Variants in RBFOX1 observed in about 807,000 individuals in gnomAD.
The protein encoded by RBFOX1 is RNA binding fox-1 homolog 1.
Under a neutral mutation model 57.7 loss-of-function variants are expected in RBFOX1, and 8 were observed. That is an observed-to-expected ratio of 0.14 (90% CI 0.08 to 0.25). RBFOX1 has a LOEUF of 0.25. RBFOX1 is among the 10% of genes least tolerant of loss of function. The probability of loss-of-function intolerance (pLI) is 1.00; values close to 1 mark genes in which losing one functional copy is unlikely to be tolerated. For missense variants in RBFOX1, 611 were observed against 548.5 expected, an observed-to-expected ratio of 1.11 and a Z score of -1.14; for synonymous variants, 326 against 222.4, an observed-to-expected ratio of 1.47 and a Z score of -4.15.
intron 4 of RBFOX1, among the ~76,000 whole-genome samples, chr16:7,402,427 A>G (rs1288538780): frequency 6.6e-6 from 1 of 152,220 alleles, no homozygotes; most frequent in Non-Finnish European, 1.5e-5. Flanking sequence ...GTGGTCTTAA[A>G]TAAAATTTCA....
intron 3 of RBFOX1, among the ~76,000 whole-genome samples, chr16:7,035,101 G>A (rs968031252): frequency 6.6e-6 from 1 of 151,654 alleles, no homozygotes; most frequent in African/African-American, 2.4e-5. Context: ...ACCCGTCTTG[G>A]CCTCCCAAAG....
At chr16:6,800,462 A>G (rs758341051) in intron 3 of RBFOX1, among the ~76,000 whole-genome samples, 1 of 151,904 alleles carries the variant, frequency 6.6e-6, no homozygotes, top group Non-Finnish European at 1.5e-5. Flanking sequence ...ATTTTGGTTC[A>G]ATAAGTCTCG....
chr16:5,528,545 CTTTTTTTTTT>C (rs755227280), intron 2 of RBFOX1, among the ~76,000 whole-genome samples: 1 of 115,246 alleles, frequency 8.7e-6, no homozygotes, highest in Admixed American at 9.3e-5. Flanking sequence ...GACAGCTCTT[CTTTTTTTTTT>C]TTTTTTTTTT....
chr16:7,595,544 T>C lies in RBFOX1; in HGVS notation c.469-5T>C, dbSNP rs1157773370. 2 of 1,543,622 alleles carry C rather than the reference T, an allele frequency of 1.3e-6. No individual in the cohort carries two copies. The highest frequency in any genetic ancestry group is 2.4e-5 in the East Asian group (1 of 42,138). ...GTTGTTTTCCCTTCTCCCTCCTGCATGCAGGGATTTGGTTTCGTAACTTTC... is the reference window on the plus strand; with the variant it reads ...GTTGTTTTCCCTTCTCCCTCCTGCACGCAGGGATTTGGTTTCGTAACTTTC... On this transcript the variant is annotated splice_region_variant and splice_polypyrimidine_tract_variant and intron_variant, in intron 7 of 15. Coordinates refer to ENST00000550418, the MANE Select transcript of RBFOX1 (RefSeq NM_018723.4).
intron 3 of RBFOX1, among the ~76,000 whole-genome samples, chr16:6,688,223 G>A (rs1485418964): frequency 2.6e-5 from 4 of 152,010 alleles, no homozygotes; most frequent in Non-Finnish European, 4.4e-5. Flanking sequence ...GGTGGCTAGA[G>A]CAGGAGGAAG....
At chr16:5,490,761 C>T (rs961537317) in intron 2 of RBFOX1, among the ~76,000 whole-genome samples, 1 of 152,152 alleles carries the variant, frequency 6.6e-6, no homozygotes, top group Non-Finnish European at 1.5e-5. Flanking sequence ...AGCTGCCGCG[C>T]CCCCTGCAGG....
At chr16:6,948,826 G>C (rs2080109683) in intron 3 of RBFOX1, among the ~76,000 whole-genome samples, 1 of 152,146 alleles carries the variant, frequency 6.6e-6, no homozygotes, top group Non-Finnish European at 1.5e-5. Context: ...CTAGAGAGAT[G>C]ATTTGATTTG....
chr16:5,757,087 C>T (rs181992953), intron 3 of RBFOX1, among the ~76,000 whole-genome samples: 1 of 152,238 alleles, frequency 6.6e-6, no homozygotes, highest in African/African-American at 2.4e-5. Flanking sequence ...TCATTGAGAC[C>T]TAAAATTAAG....
intron 3 of RBFOX1, among the ~76,000 whole-genome samples, chr16:5,625,279 T>A (rs1347845838): frequency 6.6e-6 from 1 of 151,924 alleles, no homozygotes; most frequent in African/African-American, 2.4e-5. Context: ...GTAGGAAGCA[T>A]TTGTTGAATG....
downstream of RBFOX1, among the ~76,000 whole-genome samples, chr16:5,602,755 T>C (rs978171177): frequency 2.0e-5 from 3 of 152,114 alleles, no homozygotes; most frequent in African/African-American, 7.2e-5. Flanking sequence ...AGTAATAATG[T>C]AGTTGTAATA....
chr16:7,000,854 G>A (rs900145682), intron 3 of RBFOX1, among the ~76,000 whole-genome samples: 14 of 151,822 alleles, frequency 9.2e-5, no homozygotes, highest in African/African-American at 2.4e-4. Context: ...CGCCCGCCTC[G>A]GCCTCCCAAA....
chr16:7,480,484 T>C (rs2063671921), intron 4 of RBFOX1, among the ~76,000 whole-genome samples: 1 of 152,220 alleles, frequency 6.6e-6, no homozygotes, highest in African/African-American at 2.4e-5. Flanking sequence ...AATAGAATTA[T>C]TAGTTCTTTG....
intron 3 of RBFOX1, among the ~76,000 whole-genome samples, chr16:6,820,080 C>T (rs556062002): frequency 2.0e-5 from 3 of 152,122 alleles, no homozygotes; most frequent in East Asian, 1.9e-4. Flanking sequence ...TTTTCCTTTC[C>T]TTTTCTCATA....
At chr16:5,765,470 C>A (rs2053743376) in intron 3 of RBFOX1, among the ~76,000 whole-genome samples, 1 of 152,186 alleles carries the variant, frequency 6.6e-6, no homozygotes, top group South Asian at 2.1e-4. Context: ...CCAGAGTCAA[C>A]CACAGTTACC....
At chr16:6,069,958 G>C (rs11864038) in intron 1 of RBFOX1, among the ~76,000 whole-genome samples, 1 of 152,192 alleles carries the variant, frequency 6.6e-6, no homozygotes, top group South Asian at 2.1e-4. Context: ...CTGCACTCCA[G>C]CCTGGGTGAC....
intron 2 of RBFOX1, among the ~76,000 whole-genome samples, chr16:6,421,348 A>G (rs1376630132): frequency 6.6e-6 from 1 of 152,246 alleles, no homozygotes; most frequent in Non-Finnish European, 1.5e-5. Flanking sequence ...CTGACAAATC[A>G]TGTTGAATGA....
chr16:6,217,953 T>C (rs1048151652), intron 1 of RBFOX1, among the ~76,000 whole-genome samples: 3 of 152,032 alleles, frequency 2.0e-5, no homozygotes, highest in Non-Finnish European at 4.4e-5. Flanking sequence ...GAGGTGGAGG[T>C]TGTAGTGAGC....
intron 4 of RBFOX1, among the ~76,000 whole-genome samples, chr16:7,153,646 A>C (rs752728177): frequency 2.7e-5 from 4 of 149,166 alleles, no homozygotes; most frequent in Non-Finnish European, 5.9e-5. Flanking sequence ...GCTACTTGGG[A>C]GGCTGAGGCA....
At chr16:6,295,819 G>A (rs1031195636) in intron 1 of RBFOX1, among the ~76,000 whole-genome samples, 22 of 152,286 alleles carry the variant, frequency 1.4e-4, no homozygotes, top group African/African-American at 1.2e-4. Context: ...TCCAGAGAGC[G>A]CCGGGAGCGA....
Sources: allele counts gnomAD v4.1 joint callset (sites outside exome capture counted in the v4.1 genomes callset), GRCh38; gene constraint gnomAD v4.1.1; transcripts MANE v1.5; gene names NCBI Gene and HGNC (gene_info 2026-07-23, HGNC 2026-07-21).